The following MYO1E variants were observed in gnomAD, a reference collection of about 807,000 sequenced individuals.
MYO1E encodes the protein myosin IE, also known as unconventional myosin-Ie.
A neutral mutation model predicts 151.1 loss-of-function variants in MYO1E; 68 were observed. The observed-to-expected ratio is 0.45, with a 90% CI of 0.37 to 0.55. The LOEUF is 0.55. Ranked by LOEUF, MYO1E falls within the 20% of genes least tolerant of loss-of-function variation. MYO1E has a pLI of 0.00. For synonymous variants in MYO1E, 601 were observed against 501.7 expected (o/e 1.20, Z -2.64); for missense variants, 1,363 against 1,389.3 (o/e 0.98, Z 0.30).
chr15:59,139,570 T>C lies in MYO1E; in HGVS notation c.3081-1203A>G, dbSNP rs555076422. On this transcript the variant is annotated intron_variant, in intron 26 of 27. Transcript: ENST00000288235. ...TCAGACTTCCGTCTCACCTTCTCAT[T>C]ATTTCTTGTCAAACTTCCCTCCCAT... 9.5e-5 allele frequency among the ~76,000 whole-genome samples: 14 copies of C among 147,850 alleles called. No individual in the cohort carries two copies. The Middle Eastern group carries it at 0.017, about 182-fold the overall frequency.
chr15:59,169,287 C>G lies in MYO1E; in HGVS notation c.2480+2610G>C, dbSNP rs190418090. ...CACATACAGATGTTGCAGCTTTTTT[C>G]CTGAAGTACAAGCCAACTGTTAAAA... On this transcript the variant is annotated intron_variant, in intron 22 of 27. Transcript: ENST00000288235. Among the ~76,000 whole-genome samples the G allele has an allele frequency of 9.2e-5, 14 of 152,288 alleles. No homozygotes were observed. In the East Asian group the frequency reaches 2.7e-3, roughly 29 times the overall value.
At chr15:59,284,260 C>G (rs979969477) in intron 1 of MYO1E, among the ~76,000 whole-genome samples, 7 of 152,168 alleles carry the variant, frequency 4.6e-5, no homozygotes, top group Non-Finnish European at 1.0e-4. Flanking sequence ...TATCGTGGGG[C>G]AAATAGGAGT....
At chr15:59,294,660 A>G (rs2080438706) in intron 1 of MYO1E, among the ~76,000 whole-genome samples, 1 of 152,172 alleles carries the variant, frequency 6.6e-6, no homozygotes, top group African/African-American at 2.4e-5. Context: ...CCCCCACAGG[A>G]CGGGGGTTTG....
At chr15:59,153,821 G>T (rs1458329189) in intron 25 of MYO1E, 30 bp from the exon 26 acceptor site, 1 of 1,597,612 alleles carries the variant, frequency 6.3e-7, no homozygotes, top group East Asian at 2.2e-5. Context: ...AGGAAATAAG[G>T]CTCAGATTTT....
rs1367754310 is a variant in MYO1E, at chr15:59,214,492, A to G, written c.1188+148T>C. On this transcript the variant is annotated intron_variant, in intron 11 of 27. Coordinates refer to ENST00000288235, the MANE Select transcript of MYO1E (RefSeq NM_004998.4). ...TTTGGTAAAGGCACATGAAGAACTC[A>G]CAAAGGCAAAAATGAGCCTGAGTTG... 1.1e-5 allele frequency: 11 copies of G among 996,334 alleles called. No homozygotes were observed. The South Asian group carries it at 1.2e-4, about 11-fold the overall frequency. 61.7% of individuals were successfully genotyped at this position (996,334 alleles called of 1,614,324 possible).
intron 14 of MYO1E, among the ~76,000 whole-genome samples, chr15:59,206,092 T>C (rs1442109938): frequency 2.0e-5 from 3 of 152,020 alleles, no homozygotes; most frequent in Non-Finnish European, 4.4e-5. Context: ...TTAACTTTTT[T>C]ATCATCAGCA....
In MYO1E at chr15:59,208,667, GATATTGGCC is replaced by G; in HGVS notation, c.1530+5_1530+13del. 2.5e-6 allele frequency: 4 copies of G among 1,614,082 alleles called. No individual in the cohort carries two copies. Among genetic ancestry groups the G allele is most frequent in the Non-Finnish European group, 3.4e-6 (4 of 1,179,960 alleles). The stretch of plus-strand genomic sequence containing the variant: ...CTTAAAACAGATAGACATTAAAATG[GATATTGGCC>G]ATACCTTCCCAGCATAATGATGAAT... On this transcript the variant is annotated splice_donor_5th_base_variant and intron_variant, in intron 14 of 27. Transcript: ENST00000288235.
chr15:59,184,481 C>T (rs2079683924), intron 18 of MYO1E, among the ~76,000 whole-genome samples: 1 of 152,086 alleles, frequency 6.6e-6, no homozygotes, highest in Non-Finnish European at 1.5e-5. Context: ...CCGCCTCAGC[C>T]TCCCAAGTAG....
chr15:59,283,108 A>G (rs1468933395), intron 1 of MYO1E, among the ~76,000 whole-genome samples: 2 of 150,852 alleles, frequency 1.3e-5, no homozygotes, highest in African/African-American at 4.9e-5. Flanking sequence ...GTCAGAGGAC[A>G]GTGGCTGCCT....
Position 59,319,550 on chromosome 15 carries a change from C to CTTTTTTTTTTTTTTTTTTTTTTTTTTT in MYO1E, c.4-47128_4-47102dup, listed in dbSNP as rs59491381. Among the ~76,000 whole-genome samples, 19 of 63,720 alleles carry CTTTTTTTTTTTTTTTTTTTTTTTTTTT rather than the reference C, an allele frequency of 3.0e-4. 2 individuals are homozygous for CTTTTTTTTTTTTTTTTTTTTTTTTTTT. Among genetic ancestry groups the CTTTTTTTTTTTTTTTTTTTTTTTTTTT allele is most frequent in the East Asian group, 9.9e-4 (2 of 2,020 alleles). The allele number at this position is 63,720 out of a possible 152,430, so 41.8% of individuals were successfully genotyped here. A position where few individuals can be genotyped will look rare whatever the true frequency, so the allele number is the denominator to read the frequency against. On this transcript the variant is annotated intron_variant, in intron 1 of 27. Transcript: ENST00000288235. ...AAGATAGGAAAAGAAGTCAAACTAC[C>CTTTTTTTTTTTTTTTTTTTTTTTTTTT]TTTTTTTTTTTTTTTTTTTTTTTTT...
chr15:59,176,858 G>T (rs903779564), intron 19 of MYO1E, among the ~76,000 whole-genome samples: 2 of 152,164 alleles, frequency 1.3e-5, no homozygotes, highest in South Asian at 4.1e-4. Flanking sequence ...TGGTGTGCGT[G>T]TGTGAGTGCA....
At chr15:59,143,814 T>G (rs899726275) in intron 26 of MYO1E, among the ~76,000 whole-genome samples, 5 of 152,162 alleles carry the variant, frequency 3.3e-5, no homozygotes, top group Non-Finnish European at 7.3e-5. Flanking sequence ...CTGGCTATGC[T>G]CCCCTGGCCT....
intron 1 of MYO1E, among the ~76,000 whole-genome samples, chr15:59,299,359 T>C (rs1051388557): frequency 6.6e-6 from 1 of 152,238 alleles, no homozygotes; most frequent in African/African-American, 2.4e-5. Flanking sequence ...ATTACAGGGA[T>C]GGCATTTTTT....
At chr15:59,314,021 C>T (rs1414365188) in intron 1 of MYO1E, among the ~76,000 whole-genome samples, 1 of 152,222 alleles carries the variant, frequency 6.6e-6, no homozygotes. Context: ...GTGACTGCAT[C>T]ATTCATGCTT....
At chr15:59,360,261 C>G (rs1371915138) in intron 1 of MYO1E, among the ~76,000 whole-genome samples, 6 of 152,172 alleles carry the variant, frequency 3.9e-5, no homozygotes, top group Middle Eastern at 3.4e-3. Context: ...GACGAGCCCA[C>G]AGATAGCAAA....
chr15:59,178,118 G>A (rs1203193175), intron 19 of MYO1E, among the ~76,000 whole-genome samples: 1 of 152,252 alleles, frequency 6.6e-6, no homozygotes, highest in African/African-American at 2.4e-5. Context: ...CTAGAGAGGA[G>A]CGAGACAGTC....
chr15:59,272,552 G>T, intron 1 of MYO1E, 103 bp from the exon 2 acceptor site: 1 of 1,233,130 alleles, frequency 8.1e-7, no homozygotes, highest in Non-Finnish European at 1.2e-6. Flanking sequence ...ATAAAATGTA[G>T]CAGAAAGAGC....
intron 17 of MYO1E, among the ~76,000 whole-genome samples, chr15:59,193,621 C>T (rs970925068): frequency 3.9e-5 from 6 of 152,114 alleles, no homozygotes; most frequent in Admixed American, 6.5e-5. Flanking sequence ...AGAAACACGA[C>T]GGTCACCTCG....
At chr15:59,248,076 C>T (rs2080140713) in intron 4 of MYO1E, among the ~76,000 whole-genome samples, 2 of 120,154 alleles carry the variant, frequency 1.7e-5, no homozygotes, top group Admixed American at 1.2e-4. Context: ...TGTGGTGAGC[C>T]AAGAGTGTGC....
Sources: gnomAD v4.1 joint callset for allele counts (sites outside exome capture counted in the v4.1 genomes callset) on GRCh38, gnomAD v4.1.1 for gene constraint, MANE v1.5 for transcripts, NCBI Gene and HGNC (gene_info 2026-07-23, HGNC 2026-07-21) for gene names.